The following TNK2 variants were observed in gnomAD, a reference collection of about 807,000 sequenced individuals.
TNK2 encodes tyrosine kinase non receptor 2.
TNK2 carries 83 observed loss-of-function variants against 101.8 expected under a neutral mutation model. The ratio of observed to expected loss-of-function variants is 0.82; its 90% CI spans 0.68 to 0.98. The LOEUF (loss-of-function observed/expected upper bound fraction) is 0.98. TNK2 is among the 50% of genes least tolerant of loss of function. TNK2 has a pLI of 0.00. For synonymous variants in TNK2, 804 were observed against 633.0 expected, an observed-to-expected ratio of 1.27 and a Z score of -4.06; for missense variants, 1,665 against 1,483.2, an observed-to-expected ratio of 1.12 and a Z score of -2.01.
intron 1 of TNK2, among the ~76,000 whole-genome samples, chr3:195,894,962 A>G (rs1760011144): frequency 6.6e-6 from 1 of 152,214 alleles, no homozygotes; most frequent in Non-Finnish European, 1.5e-5. Flanking sequence ...AAAAGACTGA[A>G]CCCCAATCCT....
chr3:195,876,101 C>G (rs373187957), intron 9 of TNK2, among the ~76,000 whole-genome samples: 1 of 152,196 alleles, frequency 6.6e-6, no homozygotes. Flanking sequence ...GCCAAGGACC[C>G]GCAATGGATT....
intron 15 of TNK2, among the ~76,000 whole-genome samples, chr3:195,866,658 C>T (rs1741050064): frequency 6.6e-6 from 1 of 152,268 alleles, no homozygotes; most frequent in Non-Finnish European, 1.5e-5. Context: ...ACCAGAGAGG[C>T]TCCAATTCCC....
At chr3:195,889,168 C>T (rs1757366689) in intron 1 of TNK2, among the ~76,000 whole-genome samples, 1 of 151,924 alleles carries the variant, frequency 6.6e-6, no homozygotes, top group African/African-American at 2.4e-5. Flanking sequence ...CGGGCCACCA[C>T]TCAAGTGCCT....
rs903128429 is a variant in TNK2 at position 195,882,727 on chromosome 3, G to A, written c.610-399C>T. Among the ~76,000 whole-genome samples, 23 of 152,102 alleles carry A rather than the reference G, an allele frequency of 1.5e-4. No homozygotes were observed. Among genetic ancestry groups the A allele is most frequent in the African/African-American group, 3.6e-4 (15 of 41,396 alleles). ...ACAAAAATTAGCCAGGCATGGTAGC[G>A]CACGGCTGTAATCCCAGCTACTTGG... On this transcript the variant is annotated intron_variant, in intron 5 of 15. Transcript: ENST00000672887. This position sits in a 1 kb window ranked among gnomAD's most constrained non-coding sequence, Gnocchi z 4.2.
At chr3:195,899,622 G>A (rs776867938) in intron 1 of TNK2, among the ~76,000 whole-genome samples, 8 of 152,166 alleles carry the variant, frequency 5.3e-5, no homozygotes, top group East Asian at 3.8e-4. Flanking sequence ...GAGCCACTGC[G>A]CCCGGCCAAG....
chr3:195,885,576 G>A lies in TNK2; in HGVS notation c.235-543C>T. The A allele has an allele frequency of 1.6e-6, 2 of 1,290,156 alleles. No homozygotes were observed. The highest frequency in any genetic ancestry group is 2.0e-6 in the Non-Finnish European group (2 of 989,082). 79.9% of individuals were successfully genotyped at this position (1,290,156 alleles called of 1,614,324 possible). On this transcript the variant is annotated intron_variant, in intron 3 of 15. Transcript: ENST00000672887. The surrounding 1 kb of genome is among the most constrained non-coding windows in gnomAD (Gnocchi z 4.7). ...GGGGAGAGGATAATTTTAGTCTGAG[G>A]TTGAACCGTGAGTGTGTGTGTGGTT... is the stretch of plus-strand genomic sequence containing the variant.
In TNK2 at chr3:195,895,528, C is replaced by T. The variant is rs1004922243; in HGVS notation, c.-18-6922G>A. The T allele has an allele frequency of 5.9e-6, 8 of 1,350,858 alleles. No homozygotes were observed. The African/African-American group carries it at 1.1e-4, about 18-fold the overall frequency. 83.7% of individuals were successfully genotyped at this position (1,350,858 alleles called of 1,614,324 possible). On this transcript the variant is annotated intron_variant, in intron 1 of 15. Transcript: ENST00000672887. ...TCCTGCCGGCCTGCGGCCATTCCCT[C>T]CTGCAGCCCGTCCCAGCTCCGTTCC...
In TNK2 at chr3:195,888,419, C is replaced by T; in HGVS notation, c.163+7G>A. The T allele has an allele frequency of 6.2e-7, 1 of 1,611,744 alleles. No homozygotes were observed. Among genetic ancestry groups the T allele is most frequent in the Non-Finnish European group, 8.5e-7 (1 of 1,178,318 alleles). On this transcript the variant is annotated splice_region_variant and intron_variant, in intron 2 of 15. Transcript: ENST00000672887. The surrounding 1 kb of genome is among the most constrained non-coding windows in gnomAD (Gnocchi z 5.3). ...GGCAAGACAAGCCAGGCCAACATCC[C>T]ACCTACCAGGCCGACCCATGCCGAT...
At chr3:195,874,414 T>C (rs1352424930) in intron 9 of TNK2, among the ~76,000 whole-genome samples, 1 of 152,008 alleles carries the variant, frequency 6.6e-6, no homozygotes, top group African/African-American at 2.4e-5. Flanking sequence ...CTGCTGGGAG[T>C]CCTGACACCA....
chr3:195,882,335 C>CCACGG lies in TNK2; in HGVS notation c.610-12_610-8dup. 6.2e-7 allele frequency: 1 copy of CCACGG among 1,608,902 alleles called. No individual in the cohort carries two copies. Among genetic ancestry groups the CCACGG allele is most frequent in the Non-Finnish European group, 8.5e-7 (1 of 1,176,144 alleles). ...GAGGTGCCAGCTCTGTCACCTGAGG[C>CCACGG]CACGGAGGAGGCAGGAGGAATGAGC... On this transcript the variant is annotated splice_region_variant and splice_polypyrimidine_tract_variant and intron_variant, in intron 5 of 15. Transcript: ENST00000672887. The surrounding 1 kb of genome is among the most constrained non-coding windows in gnomAD (Gnocchi z 4.2).
chr3:195,867,913 CGGAGGCACCCGG>C lies in TNK2; in HGVS notation c.2373_2384del (p.Val793_Arg796del). Reference sequence around the variant, plus strand: ...AGCCTTGAGGGGACAGGGGCTCCCGCGGAGGCACCCGGGGAGGGGAAGCAGGTCCAGGCCACT... The same window carrying C: ...AGCCTTGAGGGGACAGGGGCTCCCGCGGAGGGGAAGCAGGTCCAGGCCACT... On this transcript the variant is annotated inframe_deletion, in exon 13 of 16. Transcript: ENST00000672887. 6.5e-7 allele frequency: 1 copy of C among 1,529,704 alleles called. No individual in the cohort carries two copies. Among genetic ancestry groups the C allele is most frequent in the Non-Finnish European group, 8.7e-7 (1 of 1,148,820 alleles). 94.8% of individuals were successfully genotyped at this position (1,529,704 alleles called of 1,614,324 possible).
Position 195,882,338 on chromosome 3 carries a change from C to T in TNK2, c.610-10G>A, listed in dbSNP as rs746864306. ...GTGCCAGCTCTGTCACCTGAGGCCACGGAGGAGGCAGGAGGAATGAGCTGG... is the reference window on the plus strand; with the variant it reads ...GTGCCAGCTCTGTCACCTGAGGCCATGGAGGAGGCAGGAGGAATGAGCTGG... On this transcript the variant is annotated splice_polypyrimidine_tract_variant and intron_variant, in intron 5 of 15. Coordinates refer to ENST00000672887, the MANE Select transcript of TNK2 (RefSeq NM_001382273.1). The surrounding 1 kb of genome is among the most constrained non-coding windows in gnomAD (Gnocchi z 4.2). 9.3e-6 allele frequency: 15 copies of T among 1,608,530 alleles called. No homozygotes were observed. The highest frequency in any genetic ancestry group is 1.6e-4 in the Middle Eastern group (1 of 6,070).
intron 15 of TNK2, 126 bp downstream of exon 15, chr3:195,866,763 C>G (rs1361132179): frequency 7.2e-7 from 1 of 1,380,776 alleles, no homozygotes; most frequent in African/African-American, 1.5e-5. Flanking sequence ...CTCCCTCCCG[C>G]AGCTGGAGAG....
Position 195,868,143 on chromosome 3 carries a change from C to G in TNK2, c.2155G>C (p.Ala719Pro), listed in dbSNP as rs762787633. Residue 719 changes from alanine (A) to proline (P), a missense_variant, in exon 13 of 16, where the codon GCA (alanine) becomes CCA (proline). By Grantham distance (27) the Ala-to-Pro change is conservative. This residue lies in a region of TNK2 where 1,136 missense variants were observed against 894.9 expected (regional missense o/e 1.27). Transcript: ENST00000672887. ...GGKPPSSAQT[A>P]EIFQALQQEC... ...TGCTGTAGCGCCTGGAAGATCTCTG[C>G]GGTCTGTGCGGAGCTGGGCGGCTTG... The G allele has an allele frequency of 1.2e-6, 2 of 1,611,362 alleles. No homozygotes were observed. The highest frequency in any genetic ancestry group is 8.5e-7 in the Non-Finnish European group (1 of 1,179,392).
Position 195,878,614 on chromosome 3 carries a change from G to GTT in TNK2, c.1015-24_1015-23dup. ...GGATCTGAAGGTGAGGAGGTGCAGA[G>GTT]TTTGACGACAAACAGAGCGCCCAGC... On this transcript the variant is annotated intron_variant, in intron 7 of 15. Coordinates refer to ENST00000672887, the MANE Select transcript of TNK2 (RefSeq NM_001382273.1). This position sits in a 1 kb window ranked among gnomAD's most constrained non-coding sequence, Gnocchi z 4.7. 1 of 1,605,322 alleles carries GTT rather than the reference G, an allele frequency of 6.2e-7. No individual in the cohort carries two copies. Among genetic ancestry groups the GTT allele is most frequent in the Non-Finnish European group, 8.5e-7 (1 of 1,174,866 alleles).
At position 195,868,830 on chromosome 3, in the gene TNK2, C is replaced by A; in HGVS notation, c.1589-121G>T. The stretch of plus-strand genomic sequence containing the variant: ...CAGCAACCCTCCACTCCCAACTCCC[C>A]CCGAGGTCTGAGGTCAGCCACCGGC... On this transcript the variant is annotated intron_variant, in intron 12 of 15. Transcript: ENST00000672887. 3 of 1,252,240 alleles carry A rather than the reference C, an allele frequency of 2.4e-6. No individual in the cohort carries two copies. The South Asian group carries it at 4.8e-5, about 20-fold the overall frequency. The allele number at this position is 1,252,240 out of a possible 1,614,324, so 77.6% of individuals were successfully genotyped here.
In TNK2 at chr3:195,868,077, C is replaced by A. The variant is rs1306606639; in HGVS notation, c.2221G>T (p.Ala741Ser). ...TCACCCCCCGGGCTGGGAGAGGGGG[C>A]CGGGGAGCCGGCCGGAGCCTGCAGT... ...RQLQAPAGSP[A>S]PSPSPGGDDK... Residue 741 changes from alanine to serine, a missense_variant, in exon 13 of 16, where the codon GCC (alanine) becomes TCC (serine). By Grantham distance (99) the Ala-to-Ser change is moderately conservative. Coordinates refer to ENST00000672887, the MANE Select transcript of TNK2 (RefSeq NM_001382273.1). 2.5e-6 allele frequency: 4 copies of A among 1,608,118 alleles called. No homozygotes were observed. The highest frequency in any genetic ancestry group is 3.4e-6 in the Non-Finnish European group (4 of 1,178,598).
intron 1 of TNK2, chr3:195,895,343 G>T: frequency 1.9e-6 from 3 of 1,562,094 alleles, no homozygotes; most frequent in Non-Finnish European, 2.6e-6. Flanking sequence ...GAGAAGCAGC[G>T]CCCGCAGCCC....
chr3:195,883,516 C>T (rs1394147217), intron 4 of TNK2: 7 of 557,064 alleles, frequency 1.3e-5, no homozygotes, highest in African/African-American at 7.5e-5. Context: ...CAGGAGCCAT[C>T]GTCGGCCACA....
Sources: allele counts gnomAD v4.1 joint callset (sites outside exome capture counted in the v4.1 genomes callset), GRCh38; gene constraint gnomAD v4.1.1; regional missense constraint gnomAD v4.1.1; non-coding constraint Gnocchi (gnomAD v3.1); transcripts MANE v1.5; gene names NCBI Gene and HGNC (gene_info 2026-07-23, HGNC 2026-07-21).